NUP43: variants seen among roughly 807,000 people sequenced by gnomAD.
The protein encoded by NUP43 is nucleoporin 43.
In NUP43, 32 loss-of-function variants were observed where a neutral mutation model predicts 47.3. The ratio of observed to expected loss-of-function variants is 0.68; its 90% CI spans 0.51 to 0.91. The LOEUF is 0.91. Ranked by LOEUF, NUP43 falls within the 40% of genes least tolerant of loss-of-function variation. The pLI, the probability that NUP43 is intolerant of heterozygous loss-of-function variation, is 0.00. For synonymous variants in NUP43, 147 were observed against 158.4 expected, an observed-to-expected ratio of 0.93 and a Z score of 0.54; for missense variants, 444 against 453.9, an observed-to-expected ratio of 0.98 and a Z score of 0.20.
At chr6:149,729,236 C>T (rs1355452288) in intron 7 of NUP43, among the ~76,000 whole-genome samples, 1 of 152,182 alleles carries the variant, frequency 6.6e-6, no homozygotes, top group African/African-American at 2.4e-5. Context: ...AGGTCATCTG[C>T]CCACCTCGGC....
intron 3 of NUP43, among the ~76,000 whole-genome samples, chr6:149,742,876 T>C (rs1785738534): frequency 6.6e-6 from 1 of 152,112 alleles, no homozygotes; most frequent in Admixed American, 6.6e-5. Context: ...TTAACCTACA[T>C]CTAAAATATA....
intron 2 of NUP43, 22 bp downstream of exon 2, chr6:149,745,918 T>A: frequency 6.3e-7 from 1 of 1,590,230 alleles, no homozygotes. Flanking sequence ...AAAGTTAGCT[T>A]TTGGATGCTA....
At chr6:149,736,006 G>A (rs1260265926) in intron 6 of NUP43, among the ~76,000 whole-genome samples, 22 of 145,550 alleles carry the variant, frequency 1.5e-4, no homozygotes, top group African/African-American at 2.5e-4. Flanking sequence ...AACCAGGCAC[G>A]GCGGCTCATG....
intron 1 of NUP43, 32 bp from the exon 2 acceptor site, chr6:149,746,094 C>G (rs1785980245): frequency 6.2e-7 from 1 of 1,601,234 alleles, no homozygotes; most frequent in Non-Finnish European, 8.5e-7. Flanking sequence ...CTTGAGATGA[C>G]ATAAACGTCA....
At chr6:149,748,187 G>A (rs763196553), upstream of NUP43, among the ~76,000 whole-genome samples, 1 of 152,144 alleles carries the variant, frequency 6.6e-6, no homozygotes. Flanking sequence ...ATGGTGGTGC[G>A]TGCCTGTAAT....
At chr6:149,742,358 C>T (rs757356356) in intron 4 of NUP43, 32 bp downstream of exon 4, 47 of 1,600,706 alleles carry the variant, frequency 2.9e-5, no homozygotes, top group Admixed American at 8.4e-5. Context: ...GACTAGGTTT[C>T]GCCATGTTGG....
intron 3 of NUP43, among the ~76,000 whole-genome samples, chr6:149,743,366 G>A (rs541940731): frequency 2.8e-4 from 42 of 151,936 alleles, no homozygotes; most frequent in Admixed American, 4.6e-4. Flanking sequence ...TTGGGAGGCC[G>A]AAGAGGGCTG....
chr6:149,732,940 C>T (rs140550819), intron 6 of NUP43, among the ~76,000 whole-genome samples: 51 of 152,102 alleles, frequency 3.4e-4, no homozygotes, highest in Non-Finnish European at 5.1e-4. Context: ...TAAATAGAGA[C>T]AGGGTTTTGC....
chr6:149,738,319 A>G (rs1339142978), intron 5 of NUP43, among the ~76,000 whole-genome samples: 1 of 152,212 alleles, frequency 6.6e-6, no homozygotes, highest in Admixed American at 6.5e-5. Context: ...CAGAAAAAAT[A>G]TTTGGAATTA....
intron 7 of NUP43, 39 bp from the exon 8 acceptor site, chr6:149,727,237 G>A (rs776708705): frequency 6.3e-6 from 10 of 1,581,552 alleles, no homozygotes; most frequent in Non-Finnish European, 8.6e-6. Flanking sequence ...CTTTCAAGAT[G>A]ATTTTTATAT....
In NUP43 at chr6:149,724,862, T is replaced by C. The variant is rs1425449679; in HGVS notation, c.*2107A>G. ...CCTCGGCCTCCCAAAGTGCTAGCAT[T>C]ACAGGCGTGAGCCACCATGCCTGGC... On this transcript the variant is annotated 3_prime_UTR_variant, in exon 8 of 8. Coordinates refer to ENST00000340413, the MANE Select transcript of NUP43 (RefSeq NM_198887.3). The C allele has an allele frequency of 6.6e-6, 1 of 152,152 alleles. No individual in the cohort carries two copies. Among genetic ancestry groups the C allele is most frequent in the East Asian group, 1.9e-4 (1 of 5,184 alleles). The allele number at this position is 152,152 out of a possible 1,614,324, so 9.4% of individuals were successfully genotyped here.
In NUP43 at chr6:149,746,427, C is replaced by G; in HGVS notation, c.69G>C (p.Pro23=). The G allele has an allele frequency of 6.2e-7, 1 of 1,614,144 alleles. No homozygotes were observed. Among genetic ancestry groups the G allele is most frequent in the Non-Finnish European group, 8.5e-7 (1 of 1,180,024 alleles). Reference sequence around the variant, plus strand: ...ACGTCTCCGCGGTCTGTAAACTTCCCGGAGGCAGCGGTCGCCAGCGGGTTT... The same window carrying G: ...ACGTCTCCGCGGTCTGTAAACTTCCGGGAGGCAGCGGTCGCCAGCGGGTTT... ...ISKTRWRPLP[P]GSLQTAETFA... Residue 23 remains proline, a synonymous_variant, in exon 1 of 8, where the codon CCG becomes CCC. Coordinates refer to ENST00000340413, the MANE Select transcript of NUP43 (RefSeq NM_198887.3).
rs1159866944 is a variant in NUP43, at chr6:149,725,310, TC to T, written c.*1658del. On this transcript the variant is annotated 3_prime_UTR_variant, in exon 8 of 8. Coordinates refer to ENST00000340413, the MANE Select transcript of NUP43 (RefSeq NM_198887.3). ...CCTGTCGTCTCTACTAATACAAAAATCAGCCGGGAGCAGTGGCTCAAGCCTG... is the reference window on the plus strand; with the variant it reads ...CCTGTCGTCTCTACTAATACAAAAATAGCCGGGAGCAGTGGCTCAAGCCTG... 6.6e-6 allele frequency: 1 copy of T among 152,110 alleles called. No homozygotes were observed. Among genetic ancestry groups the T allele is most frequent in the Admixed American group, 6.6e-5 (1 of 15,262 alleles). The allele number at this position is 152,110 out of a possible 1,614,324, so 9.4% of individuals were successfully genotyped here. A position where few individuals can be genotyped will look rare whatever the true frequency, so the allele number is the denominator to read the frequency against.
At chr6:149,742,207 G>A (rs1189065403) in intron 4 of NUP43, among the ~76,000 whole-genome samples, 183 bp downstream of exon 4, 1 of 152,246 alleles carries the variant, frequency 6.6e-6, no homozygotes, top group East Asian at 1.9e-4. Context: ...TGTAGTTTTA[G>A]TAGAGACGGT....
chr6:149,744,904 T>TATTC (rs1173214185), intron 2 of NUP43, among the ~76,000 whole-genome samples: 1 of 150,690 alleles, frequency 6.6e-6, no homozygotes, highest in Non-Finnish European at 1.5e-5. Context: ...TTTATTTATT[T>TATTC]ATTTATTTAT....
At position 149,743,618 on chromosome 6, in the gene NUP43, C is replaced by T. The variant is rs760734425; in HGVS notation, c.321+20G>A. On this transcript the variant is annotated intron_variant, in intron 3 of 7. Transcript: ENST00000340413. ...ATTTCAAAAAAAAAAAAAATCACTT[C>T]TCAAACTAAAGTTCTTTACCTGGTT... The T allele has an allele frequency of 1.6e-5, 24 of 1,497,024 alleles. No homozygotes were observed. The African/African-American group carries it at 1.8e-4, about 11-fold the overall frequency. 92.7% of individuals were successfully genotyped at this position (1,497,024 alleles called of 1,614,324 possible). A position where few individuals can be genotyped will look rare whatever the true frequency, so the allele number is the denominator to read the frequency against.
chr6:149,739,493 G>A (rs1279649029), intron 4 of NUP43, among the ~76,000 whole-genome samples: 2 of 151,934 alleles, frequency 1.3e-5, no homozygotes, highest in Non-Finnish European at 2.9e-5. Context: ...CACCATGTTG[G>A]CCAGGCTGGT....
At chr6:149,737,557 C>T (rs568979358) in intron 5 of NUP43, among the ~76,000 whole-genome samples, 2 of 152,294 alleles carry the variant, frequency 1.3e-5, no homozygotes, top group South Asian at 4.1e-4. Flanking sequence ...AGTCACCATG[C>T]TCAGCCAAGA....
chr6:149,727,440 G>A lies in NUP43; in HGVS notation c.914-242C>T, dbSNP rs976668870. The A allele has an allele frequency of 8.1e-6, 8 of 984,244 alleles. No individual in the cohort carries two copies. The African/African-American group carries it at 1.4e-4, about 17-fold the overall frequency. The allele number at this position is 984,244 out of a possible 1,614,324, so 61.0% of individuals were successfully genotyped here. A position where few individuals can be genotyped will look rare whatever the true frequency, so the allele number is the denominator to read the frequency against. On this transcript the variant is annotated intron_variant, in intron 7 of 7. Transcript: ENST00000340413. ...AAACTCGAAGTCTTCAGGAAAAGCA[G>A]GTGATTTCAACTGACTTTCTGTTCA... is the stretch of plus-strand genomic sequence containing the variant.
Sources: allele counts gnomAD v4.1 joint callset (sites outside exome capture counted in the v4.1 genomes callset), GRCh38; gene constraint gnomAD v4.1.1; transcripts MANE v1.5; gene names NCBI Gene and HGNC (gene_info 2026-07-23, HGNC 2026-07-21).